ACTN2: variants seen among roughly 807,000 people sequenced by gnomAD.
ACTN2 encodes the protein actinin alpha 2.
Under a neutral mutation model 113.8 loss-of-function variants are expected in ACTN2, and 39 were observed. The observed-to-expected ratio is 0.34, with a 90% confidence interval of 0.27 to 0.45. ACTN2 has a LOEUF of 0.45. Ranked by LOEUF, ACTN2 falls within the 20% of genes least tolerant of loss-of-function variation. The pLI, the probability that ACTN2 is intolerant of heterozygous loss-of-function variation, is 1.00. For missense variants in ACTN2, 992 were observed against 1,177.9 expected, an observed-to-expected ratio of 0.84 and a Z score of 2.31; for synonymous variants, 429 against 444.1, an observed-to-expected ratio of 0.97 and a Z score of 0.43.
chr1:236,746,105 G>A (rs796855262), intron 12 of ACTN2, among the ~76,000 whole-genome samples: 10 of 141,318 alleles, frequency 7.1e-5, no homozygotes, highest in African/African-American at 2.4e-4. Flanking sequence ...GGCGGAACTT[G>A]CAGTGAGCCG....
intron 1 of ACTN2, among the ~76,000 whole-genome samples, chr1:236,700,440 G>A (rs1225855087): frequency 6.6e-6 from 1 of 152,190 alleles, no homozygotes; most frequent in Non-Finnish European, 1.5e-5. Flanking sequence ...AAGATGGGGA[G>A]GCCTGTATAT....
chr1:236,711,371 G>A (rs114553943), intron 1 of ACTN2, among the ~76,000 whole-genome samples: 4 of 151,640 alleles, frequency 2.6e-5, no homozygotes, highest in African/African-American at 7.3e-5. Context: ...ATTTTTTTGC[G>A]ACAGAGGCTC....
At chr1:236,719,286 C>T (rs946683716) in intron 3 of ACTN2, among the ~76,000 whole-genome samples, 2 of 152,168 alleles carry the variant, frequency 1.3e-5, no homozygotes, top group African/African-American at 4.8e-5. Flanking sequence ...CTTACACATC[C>T]CAATGACTCT....
intron 1 of ACTN2, among the ~76,000 whole-genome samples, chr1:236,708,990 C>A (rs1011647628): frequency 6.6e-6 from 1 of 151,682 alleles, no homozygotes; most frequent in South Asian, 2.1e-4. Context: ...GTAATCTTGG[C>A]AAATTGGGAA....
At chr1:236,691,931 G>A (rs756520022) in intron 1 of ACTN2, among the ~76,000 whole-genome samples, 3 of 152,214 alleles carry the variant, frequency 2.0e-5, no homozygotes, top group Non-Finnish European at 4.4e-5. Flanking sequence ...TTGGATCCAC[G>A]AAAAAGGGCC....
intron 6 of ACTN2, among the ~76,000 whole-genome samples, chr1:236,729,764 G>C (rs186965225): frequency 3.9e-5 from 6 of 152,180 alleles, no homozygotes; most frequent in Admixed American, 3.9e-4. Context: ...ATATAGACAG[G>C]GTACAGTTCT....
At chr1:236,719,100 T>C in intron 3 of ACTN2, 87 bp downstream of exon 3, 1 of 1,573,954 alleles carries the variant, frequency 6.4e-7, no homozygotes, top group South Asian at 1.1e-5. Flanking sequence ...CCTTCTTCCC[T>C]CCCTTTCACC....
chr1:236,738,581 A>G (rs1658964003), intron 9 of ACTN2, among the ~76,000 whole-genome samples: 1 of 152,232 alleles, frequency 6.6e-6, no homozygotes. Context: ...TAAAACCCTT[A>G]GACTCTAGGT....
chr1:236,763,890 C>T lies in ACTN2; in HGVS notation c.*1271C>T, dbSNP rs933574166. Reference sequence around the variant, plus strand: ...TCATACTGCTGTAGGCTATAATTCCCCCCTGTTTTTCCATCTTGTTGACAG... The same window carrying T: ...TCATACTGCTGTAGGCTATAATTCCTCCCTGTTTTTCCATCTTGTTGACAG... On this transcript the variant is annotated 3_prime_UTR_variant, in exon 21 of 21. Coordinates refer to ENST00000366578, the MANE Select transcript of ACTN2 (RefSeq NM_001103.4). 1.3e-5 allele frequency: 2 copies of T among 152,160 alleles called. No homozygotes were observed. The highest frequency in any genetic ancestry group is 2.9e-5 in the Non-Finnish European group (2 of 68,038). 9.4% of individuals were successfully genotyped at this position (152,160 alleles called of 1,614,324 possible). A position where few individuals can be genotyped will look rare whatever the true frequency, so the allele number is the denominator to read the frequency against.
At chr1:236,690,912 C>A (rs1165549766) in intron 1 of ACTN2, among the ~76,000 whole-genome samples, 1 of 151,660 alleles carries the variant, frequency 6.6e-6, no homozygotes, top group Non-Finnish European at 1.5e-5. Context: ...AACTAGCTTC[C>A]CATTCCCCCC....
At position 236,742,595 on chromosome 1, in the gene ACTN2, G is replaced by T. The variant is rs143711730; in HGVS notation, c.1108-301G>T. 2.9e-3 allele frequency among the ~76,000 whole-genome samples: 443 copies of T among 152,208 alleles called. No homozygotes were observed. Among genetic ancestry groups the T allele is most frequent in the African/African-American group, 0.01 (422 of 41,542 alleles). On this transcript the variant is annotated intron_variant, in intron 10 of 20. Transcript: ENST00000366578. ...TTGTTTTGAACTGAGTCATCTTGAG[G>T]CTTTATCTTCTTGTAGCCAGAAATT...
At chr1:236,702,153 G>A (rs1011513781) in intron 1 of ACTN2, among the ~76,000 whole-genome samples, 4 of 152,154 alleles carry the variant, frequency 2.6e-5, no homozygotes, top group African/African-American at 4.8e-5. Flanking sequence ...TTGAAGTAGC[G>A]CTTCATTGAG....
chr1:236,740,558 A>T (rs1033262564), intron 10 of ACTN2, among the ~76,000 whole-genome samples: 11 of 151,576 alleles, frequency 7.3e-5, no homozygotes, highest in African/African-American at 2.4e-4. Context: ...TTTGAGACAG[A>T]GTCTCACTTT....
At chr1:236,709,224 AT>A (rs1657925884) in intron 1 of ACTN2, among the ~76,000 whole-genome samples, 1 of 30,824 alleles carries the variant, frequency 3.2e-5, no homozygotes, top group Admixed American at 4.0e-4. Context: ...ATGACTGTAT[AT>A]ATATATATAT....
chr1:236,728,395 A>G (rs1294590468), intron 6 of ACTN2, among the ~76,000 whole-genome samples: 1 of 152,136 alleles, frequency 6.6e-6, no homozygotes, highest in Non-Finnish European at 1.5e-5. Context: ...CGCCCGCCTC[A>G]GCCTCCCAAA....
intron 10 of ACTN2, among the ~76,000 whole-genome samples, chr1:236,740,687 C>T (rs1269211882): frequency 6.6e-6 from 1 of 152,018 alleles, no homozygotes; most frequent in South Asian, 2.1e-4. Context: ...TGCCCGCCAC[C>T]ACGGCCAGCT....
In ACTN2 at chr1:236,757,608, A is replaced by T. The variant is rs753820950; in HGVS notation, c.2277A>T (p.Arg759Ser). 1 of 1,614,096 alleles carries T rather than the reference A, an allele frequency of 6.2e-7. No homozygotes were observed. Among genetic ancestry groups the T allele is most frequent in the African/African-American group, 1.3e-5 (1 of 74,928 alleles). ...CCCAGGAGCAGATGAATGAGTTCAG[A>T]GCCTCCTTCAACCACTTTGACAGGG... is the stretch of plus-strand genomic sequence containing the variant. The part of the protein sequence containing the change: ...GITQEQMNEF[R>S]ASFNHFDRRK... The change falls in exon 18 of 21, where the codon AGA becomes AGT. Residue 759 changes from arginine to serine, a missense_variant. Physicochemically the swap from Arg to Ser is moderately radical, Grantham distance 110. Around this residue, in one of 3 missense-constraint regions of ACTN2, gnomAD observed 736 missense variants for 815.4 expected, o/e 0.90. Coordinates refer to ENST00000366578, the MANE Select transcript of ACTN2 (RefSeq NM_001103.4).
intron 1 of ACTN2, among the ~76,000 whole-genome samples, chr1:236,710,030 C>T (rs1034234389): frequency 1.5e-4 from 23 of 152,262 alleles, no homozygotes; most frequent in African/African-American, 5.3e-4. Flanking sequence ...GGCTTAGAAC[C>T]GTATTGCTAA....
At chr1:236,717,250 C>T (rs981320298) in intron 1 of ACTN2, among the ~76,000 whole-genome samples, 2 of 152,072 alleles carry the variant, frequency 1.3e-5, no homozygotes, top group South Asian at 4.1e-4. Context: ...TTGAGACCAG[C>T]CTGGGCAACA....
Sources: allele counts gnomAD v4.1 joint callset (sites outside exome capture counted in the v4.1 genomes callset), GRCh38; gene constraint gnomAD v4.1.1; regional missense constraint gnomAD v4.1.1; transcripts MANE v1.5; gene names NCBI Gene and HGNC (gene_info 2026-07-23, HGNC 2026-07-21).